Variants in FCF1 observed in about 807,000 individuals in gnomAD.
The protein encoded by FCF1 is FCF1 rRNA-processing protein.
A neutral mutation model predicts 32.5 loss-of-function variants in FCF1; 17 were observed. The observed-to-expected ratio is 0.52, with a 90% CI of 0.36 to 0.78. The LOEUF (loss-of-function observed/expected upper bound fraction) is 0.78. Among genes scored for constraint, FCF1 ranks in the 30% least tolerant of loss-of-function variants. The pLI, the probability that FCF1 is intolerant of heterozygous loss-of-function variation, is 0.00. For synonymous variants in FCF1, 84 were observed against 78.4 expected (o/e 1.07, Z -0.38); for missense variants, 201 against 241.1 (o/e 0.83, Z 1.10).
chr14:74,733,192 G>A (rs2090660299), intron 6 of FCF1, among the ~76,000 whole-genome samples: 1 of 152,120 alleles, frequency 6.6e-6, no homozygotes. Context: ...TAGGAATTTT[G>A]TTCCTCTTCA....
intron 1 of FCF1, 85 bp from the exon 2 acceptor site, chr14:74,713,400 G>T: frequency 6.5e-7 from 1 of 1,534,064 alleles, no homozygotes; most frequent in Non-Finnish European, 8.9e-7. Flanking sequence ...GGCAAGAAGG[G>T]AAGGCAATAG....
chr14:74,727,087 A>G (rs1256594327), intron 5 of FCF1, among the ~76,000 whole-genome samples: 1 of 152,186 alleles, frequency 6.6e-6, no homozygotes, highest in Non-Finnish European at 1.5e-5. Context: ...GTGCCTTTAT[A>G]GCAGCATGAT....
In FCF1 at chr14:74,735,053, T is replaced by G. The variant is rs1236953090; in HGVS notation, c.*123T>G. The G allele has an allele frequency of 4.9e-6, 4 of 823,916 alleles. No homozygotes were observed. Among genetic ancestry groups the G allele is most frequent in the Non-Finnish European group, 8.2e-6 (4 of 486,666 alleles). 51.0% of individuals were successfully genotyped at this position (823,916 alleles called of 1,614,324 possible). On this transcript the variant is annotated 3_prime_UTR_variant, in exon 8 of 8. Coordinates refer to ENST00000341162, the MANE Select transcript of FCF1 (RefSeq NM_015962.5). ...AGACTGATGGAGTTCAGGGAGATAT[T>G]TATTATTTAGGTGCACCAGCCCAGT...
intron 4 of FCF1, among the ~76,000 whole-genome samples, chr14:74,718,928 G>C (rs183474709): frequency 5.3e-5 from 8 of 151,734 alleles, no homozygotes; most frequent in Non-Finnish European, 1.0e-4. Flanking sequence ...TCAGGAGTTC[G>C]AGATCAGCCC....
intron 6 of FCF1, among the ~76,000 whole-genome samples, chr14:74,733,185 G>A (rs1384886928): frequency 6.6e-6 from 1 of 152,130 alleles, no homozygotes; most frequent in Non-Finnish European, 1.5e-5. Context: ...TTTGATGTAG[G>A]AATTTTGTTC....
chr14:74,723,926 TAATC>T (rs1412925547), intron 5 of FCF1, among the ~76,000 whole-genome samples: 2 of 152,006 alleles, frequency 1.3e-5, no homozygotes, highest in Admixed American at 6.6e-5. Context: ...CAGACATACA[TAATC>T]AACAAAGGGC....
rs754764569 is a variant in FCF1 at position 74,732,729 on chromosome 14, A to G, written c.366-2A>G. 3.1e-6 allele frequency: 5 copies of G among 1,605,950 alleles called. No homozygotes were observed. Among genetic ancestry groups the G allele is most frequent in the South Asian group, 2.2e-5 (2 of 90,772 alleles). The stretch of plus-strand genomic sequence containing the variant: ...TGAATGTTTTCTTTAATCCACCTAC[A>G]GGATTGCCAAGGATCCAAGATTTGA... On this transcript the variant is annotated splice_acceptor_variant, in intron 5 of 7. Coordinates refer to ENST00000341162, the MANE Select transcript of FCF1 (RefSeq NM_015962.5). LOFTEE classifies it high-confidence loss of function.
chr14:74,723,488 C>T, intron 5 of FCF1, 144 bp downstream of exon 5: 1 of 592,604 alleles, frequency 1.7e-6, no homozygotes, highest in South Asian at 2.1e-5. Context: ...TGGTCTTTCT[C>T]TCACACAAAA....
rs372382768 is a variant in FCF1, at chr14:74,720,126, A to G, written c.293-3146A>G. Among the ~76,000 whole-genome samples, 6 of 152,200 alleles carry G rather than the reference A, an allele frequency of 3.9e-5. No individual in the cohort carries two copies. The South Asian group carries it at 8.3e-4, about 21-fold the overall frequency. ...CATTGCAAGAGCGAAACTCCGTCTCAAAAAAATAAAAAAAGAAAATGGATC... is the reference window on the plus strand; with the variant it reads ...CATTGCAAGAGCGAAACTCCGTCTCGAAAAAATAAAAAAAGAAAATGGATC... On this transcript the variant is annotated intron_variant, in intron 4 of 7. Transcript: ENST00000341162.
chr14:74,716,159 A>C, intron 4 of FCF1, 60 bp downstream of exon 4: 1 of 1,526,698 alleles, frequency 6.6e-7, no homozygotes. Flanking sequence ...ATTTATACAA[A>C]TACATGAAAG....
At chr14:74,714,270 A>T (rs1566713131) in intron 2 of FCF1, among the ~76,000 whole-genome samples, 2 of 152,220 alleles carry the variant, frequency 1.3e-5, no homozygotes, top group Non-Finnish European at 2.9e-5. Context: ...CCTGGCCAAC[A>T]CGGTGAAACC....
chr14:74,725,049 T>C (rs1201345497), intron 5 of FCF1, among the ~76,000 whole-genome samples: 1 of 150,316 alleles, frequency 6.7e-6, no homozygotes, highest in African/African-American at 2.4e-5. Flanking sequence ...ATAAAATCTA[T>C]CTCGTGCTAT....
chr14:74,729,284 G>A (rs1277807060), intron 5 of FCF1, among the ~76,000 whole-genome samples: 3 of 151,996 alleles, frequency 2.0e-5, no homozygotes, highest in Admixed American at 6.6e-5. Flanking sequence ...TTCAGCTCCT[G>A]TTATTGGTCT....
intron 7 of FCF1, 31 bp from the exon 8 acceptor site, chr14:74,734,851 C>G: frequency 6.2e-7 from 1 of 1,600,744 alleles, no homozygotes; most frequent in Non-Finnish European, 8.6e-7. Flanking sequence ...TCCCATCTTT[C>G]TTACCGGTGT....
At chr14:74,728,921 T>C (rs1476360901) in intron 5 of FCF1, among the ~76,000 whole-genome samples, 1 of 152,132 alleles carries the variant, frequency 6.6e-6, no homozygotes, top group Non-Finnish European at 1.5e-5. Flanking sequence ...TTTGCATATA[T>C]TGAACCAGCC....
At chr14:74,726,603 CT>C (rs58398533) in intron 5 of FCF1, among the ~76,000 whole-genome samples, 35,092 of 143,994 alleles carry the variant, frequency 0.24, 4,102 homozygotes, top group South Asian at 0.35. Context: ...ACCCCCATCT[CT>C]TTTTTTTTTT....
chr14:74,713,577 A>G (rs772871363), intron 2 of FCF1, 25 bp downstream of exon 2: 4 of 1,590,332 alleles, frequency 2.5e-6, no homozygotes, highest in African/African-American at 2.7e-5. Flanking sequence ...TCAACTGCCC[A>G]GGGATATTCT....
chr14:74,728,605 C>G (rs1418450369), intron 5 of FCF1, among the ~76,000 whole-genome samples: 1 of 152,052 alleles, frequency 6.6e-6, no homozygotes, highest in Admixed American at 6.6e-5. Context: ...CCTTCTCCTG[C>G]CTAATTGCCC....
intron 5 of FCF1, among the ~76,000 whole-genome samples, chr14:74,724,640 C>T (rs1459957461): frequency 6.6e-6 from 1 of 152,210 alleles, no homozygotes; most frequent in East Asian, 1.9e-4. Context: ...CACGGTGGCT[C>T]ATGCCTGTAA....
Sources: allele counts gnomAD v4.1 joint callset (sites outside exome capture counted in the v4.1 genomes callset), GRCh38; gene constraint gnomAD v4.1.1; transcripts MANE v1.5; gene names NCBI Gene and HGNC (gene_info 2026-07-23, HGNC 2026-07-21).